Variants in CEP135 observed in about 807,000 individuals in gnomAD.
The protein encoded by CEP135 is centrosomal protein of 135 kDa.
Under a neutral mutation model 157.3 loss-of-function variants are expected in CEP135, and 142 were observed. The observed-to-expected ratio is 0.90, with a 90% CI of 0.79 to 1.04. CEP135 has a LOEUF of 1.04. Among genes scored for constraint, CEP135 ranks in the 50% least tolerant of loss-of-function variants. The probability of loss-of-function intolerance (pLI) is 0.00; values close to 1 mark genes in which losing one functional copy is unlikely to be tolerated. For synonymous variants in CEP135, 396 were observed against 439.8 expected (o/e 0.90, Z 1.25); for missense variants, 1,317 against 1,309.2 (o/e 1.01, Z -0.09).
intron 4 of CEP135, 42 bp from the exon 5 acceptor site, chr4:55,957,181 T>G: frequency 6.3e-7 from 1 of 1,599,404 alleles, no homozygotes; most frequent in Non-Finnish European, 8.5e-7. Context: ...TAAGACATGG[T>G]TTTGTTTCTT....
intron 11 of CEP135, among the ~76,000 whole-genome samples, chr4:55,975,728 C>T (rs1729188834): frequency 6.6e-6 from 1 of 152,114 alleles, no homozygotes; most frequent in African/African-American, 2.4e-5. Context: ...ACTTTATCTA[C>T]ACACTAGGTA....
intron 1 of CEP135, among the ~76,000 whole-genome samples, chr4:55,950,191 G>C (rs1470272495): frequency 2.0e-5 from 3 of 152,204 alleles, no homozygotes; most frequent in Admixed American, 2.0e-4. Flanking sequence ...ACCAAGGAGA[G>C]ACTCAGGAGA....
chr4:56,022,941 C>T (rs1731016827), intron 24 of CEP135, among the ~76,000 whole-genome samples: 1 of 151,350 alleles, frequency 6.6e-6, no homozygotes, highest in African/African-American at 2.4e-5. Flanking sequence ...TAAAAACATT[C>T]TAAAAATTAG....
At chr4:55,994,689 T>G (rs1466771052) in intron 15 of CEP135, among the ~76,000 whole-genome samples, 1 of 150,520 alleles carries the variant, frequency 6.6e-6, no homozygotes, top group Admixed American at 6.6e-5. Context: ...GCATAATCTT[T>G]TTTTTTTTTT....
chr4:56,000,859 C>T (rs1339275616), intron 17 of CEP135, among the ~76,000 whole-genome samples: 1 of 152,144 alleles, frequency 6.6e-6, no homozygotes, highest in Non-Finnish European at 1.5e-5. Context: ...TACTAATTTA[C>T]ATTCCCACCA....
Position 56,019,233 on chromosome 4 carries a change from T to C in CEP135, c.3013-120T>C, listed in dbSNP as rs1269859384. ...GAAACAGTTCATAATCTTTAACCCA[T>C]ACCCAAAATGAAACAAGTGATAGGT... On this transcript the variant is annotated intron_variant, in intron 22 of 25. Transcript: ENST00000257287. 49 of 711,772 alleles carry C rather than the reference T, an allele frequency of 6.9e-5. 2 individuals carry two copies. In the South Asian group the frequency reaches 9.1e-4, roughly 13 times the overall value. 44.1% of individuals were successfully genotyped at this position (711,772 alleles called of 1,614,324 possible).
At position 56,031,486 on chromosome 4, in the gene CEP135, T is replaced by TA. The variant is rs1731350205; in HGVS notation, c.*141dup. The TA allele has an allele frequency of 6.6e-6, 1 of 152,606 alleles. No individual in the cohort carries two copies. Among genetic ancestry groups the TA allele is most frequent in the Non-Finnish European group, 1.5e-5 (1 of 68,030 alleles). 9.5% of individuals were successfully genotyped at this position (152,606 alleles called of 1,614,324 possible). On this transcript the variant is annotated 3_prime_UTR_variant, in exon 26 of 26. Transcript: ENST00000257287. ...AATTCTACCTCTGTCAACTTTTATT[T>TA]AAATCAGTGAATATGTTAAAAAGTT...
chr4:56,005,090 A>G (rs1357854429), intron 17 of CEP135, among the ~76,000 whole-genome samples: 2 of 152,114 alleles, frequency 1.3e-5, no homozygotes, highest in African/African-American at 4.8e-5. Flanking sequence ...AGCTTACAAA[A>G]CGTATCTTTC....
intron 24 of CEP135, among the ~76,000 whole-genome samples, chr4:56,023,758 A>G (rs1731053827): frequency 7.0e-6 from 1 of 142,336 alleles, no homozygotes; most frequent in Non-Finnish European, 1.5e-5. Flanking sequence ...CATATATAGT[A>G]TATTATATAT....
At chr4:56,013,138 G>T (rs924914078) in intron 21 of CEP135, among the ~76,000 whole-genome samples, 3 of 152,114 alleles carry the variant, frequency 2.0e-5, no homozygotes, top group Non-Finnish European at 2.9e-5. Context: ...TTCCTTAATG[G>T]TTAGTGATGT....
intron 21 of CEP135, among the ~76,000 whole-genome samples, chr4:56,013,506 C>T (rs1730664819): frequency 6.6e-6 from 1 of 151,996 alleles, no homozygotes; most frequent in African/African-American, 2.4e-5. Flanking sequence ...AGTTTTAGCT[C>T]ATATATTCAG....
intron 20 of CEP135, 119 bp downstream of exon 20, chr4:56,011,641 T>C (rs1040096340): frequency 6.2e-6 from 6 of 961,248 alleles, no homozygotes; most frequent in Non-Finnish European, 9.4e-6. Context: ...CTACTGCCTT[T>C]TTCTATTTTT....
At position 55,970,210 on chromosome 4, in the gene CEP135, A is replaced by C. The variant is rs147765144; in HGVS notation, c.1111-1060A>C. Among the ~76,000 whole-genome samples the C allele has an allele frequency of 2.2e-3, 328 of 152,144 alleles. 2 individuals carry two copies. The highest frequency in any genetic ancestry group is 7.5e-3 in the African/African-American group (310 of 41,500). ...ATAGCTTTGTTTGGTAATACAAACC[A>C]TTTTCCTAGTCACATTTCTTGTTCT... is the stretch of plus-strand genomic sequence containing the variant. On this transcript the variant is annotated intron_variant, in intron 9 of 25. Transcript: ENST00000257287.
chr4:56,010,702 G>A (rs2109732835), intron 19 of CEP135, among the ~76,000 whole-genome samples: 1 of 152,264 alleles, frequency 6.6e-6, no homozygotes, highest in South Asian at 2.1e-4. Context: ...AGTACTGAAA[G>A]GTGTTAGTTC....
At chr4:56,015,060 AT>A (rs1730724860) in intron 21 of CEP135, among the ~76,000 whole-genome samples, 1 of 152,176 alleles carries the variant, frequency 6.6e-6, no homozygotes, top group East Asian at 1.9e-4. Context: ...GGAAAAAAAA[AT>A]AAACCAGGAC....
intron 3 of CEP135, 74 bp from the exon 4 acceptor site, chr4:55,954,142 T>A: frequency 7.5e-7 from 1 of 1,338,686 alleles, no homozygotes; most frequent in South Asian, 1.6e-5. Flanking sequence ...TGACTTTTTG[T>A]ATTTTGTGAA....
intron 11 of CEP135, among the ~76,000 whole-genome samples, chr4:55,978,787 C>T (rs1382730328): frequency 6.6e-6 from 1 of 152,190 alleles, no homozygotes; most frequent in Non-Finnish European, 1.5e-5. Flanking sequence ...TGGCCTCAAG[C>T]AGTCCTCCTG....
At chr4:56,015,408 C>A (rs1730738690) in intron 21 of CEP135, among the ~76,000 whole-genome samples, 1 of 152,212 alleles carries the variant, frequency 6.6e-6, no homozygotes, top group South Asian at 2.1e-4. Flanking sequence ...GCTACCACCA[C>A]AAGCCCAGAC....
At chr4:55,988,718 G>A (rs1323077609) in intron 14 of CEP135, among the ~76,000 whole-genome samples, 2 of 151,372 alleles carry the variant, frequency 1.3e-5, no homozygotes, top group African/African-American at 4.9e-5. Context: ...AGCACTTTGG[G>A]TGGCTGAGGC....
Sources: allele counts gnomAD v4.1 joint callset (sites outside exome capture counted in the v4.1 genomes callset), GRCh38; gene constraint gnomAD v4.1.1; transcripts MANE v1.5; gene names NCBI Gene and HGNC (gene_info 2026-07-23, HGNC 2026-07-21).